The following TBC1D5 variants were observed in gnomAD, a reference collection of about 807,000 sequenced individuals.
The protein encoded by TBC1D5 is TBC1 domain family member 5.
In TBC1D5, 75 loss-of-function variants were observed where a neutral mutation model predicts 100.3. The ratio of observed to expected loss-of-function variants is 0.75; its 90% CI spans 0.62 to 0.91. The LOEUF is 0.91. Ranked by LOEUF, TBC1D5 falls within the 40% of genes least tolerant of loss-of-function variation. TBC1D5 has a pLI of 0.00. For missense variants in TBC1D5, 910 were observed against 942.4 expected (o/e 0.97, Z 0.45); for synonymous variants, 323 against 325.6 (o/e 0.99, Z 0.09).
intron 5 of TBC1D5, among the ~76,000 whole-genome samples, chr3:17,405,373 A>C (rs374177951): frequency 6.6e-6 from 1 of 152,084 alleles, no homozygotes; most frequent in Non-Finnish European, 1.5e-5. Context: ...CAAGCTGGTA[A>C]AAGTTAGTGA....
intron 14 of TBC1D5, among the ~76,000 whole-genome samples, chr3:17,305,989 A>T (rs558647129): frequency 2.0e-5 from 3 of 152,032 alleles, no homozygotes; most frequent in African/African-American, 7.2e-5. Context: ...TGTCATCATG[A>T]CCCTCCTGTT....
chr3:17,304,241 G>A (rs2083167199), intron 14 of TBC1D5, among the ~76,000 whole-genome samples: 1 of 152,012 alleles, frequency 6.6e-6, no homozygotes, highest in African/African-American at 2.4e-5. Flanking sequence ...TTTTTCTGGA[G>A]GTTTACTATG....
chr3:17,738,989 C>T (rs2077182010), intron 1 of TBC1D5, among the ~76,000 whole-genome samples: 1 of 152,182 alleles, frequency 6.6e-6, no homozygotes, highest in Admixed American at 6.5e-5. Context: ...TTTGTTGTTA[C>T]ACTGACATCC....
intron 9 of TBC1D5, among the ~76,000 whole-genome samples, chr3:17,377,435 C>T (rs2092753475): frequency 2.0e-5 from 3 of 152,076 alleles, no homozygotes; most frequent in South Asian, 2.1e-4. Flanking sequence ...GATTTCTTTC[C>T]CCCTTAAGCA....
At chr3:17,654,301 CCTT>C (rs1327700336) in intron 1 of TBC1D5, among the ~76,000 whole-genome samples, 7 of 151,968 alleles carry the variant, frequency 4.6e-5, no homozygotes, top group East Asian at 3.8e-4. Flanking sequence ...AAATCTGTAA[CCTT>C]CTTCTTAGAC....
intron 19 of TBC1D5, 120 bp downstream of exon 20, chr3:17,184,989 G>T (rs756268680): frequency 1.4e-6 from 1 of 734,552 alleles, no homozygotes; most frequent in Non-Finnish European, 2.2e-6. Flanking sequence ...TATAGCTGTT[G>T]TAAGGATTAA....
intron 15 of TBC1D5, among the ~76,000 whole-genome samples, chr3:17,280,010 G>A (rs1469903534): frequency 6.6e-6 from 1 of 152,190 alleles, no homozygotes; most frequent in African/African-American, 2.4e-5. Flanking sequence ...TGAGGGCTTA[G>A]TTGGAGGTAA....
chr3:17,246,950 A>G (rs535857884), intron 16 of TBC1D5, among the ~76,000 whole-genome samples: 1 of 152,282 alleles, frequency 6.6e-6, no homozygotes, highest in East Asian at 1.9e-4. Context: ...GCGTCTTTAT[A>G]TATCTGGGCC....
At chr3:17,396,992 T>C (rs1322833865) in intron 8 of TBC1D5, among the ~76,000 whole-genome samples, 1 of 152,178 alleles carries the variant, frequency 6.6e-6, no homozygotes, top group African/African-American at 2.4e-5. Flanking sequence ...CTGTAAGAGT[T>C]GTCCAGTACA....
intron 14 of TBC1D5, among the ~76,000 whole-genome samples, chr3:17,293,012 T>A (rs2081917584): frequency 6.6e-6 from 1 of 152,178 alleles, no homozygotes; most frequent in Admixed American, 6.5e-5. Flanking sequence ...TTCCTACTTC[T>A]CCCCCTCCTA....
intron 2 of TBC1D5, among the ~76,000 whole-genome samples, chr3:17,595,128 A>G (rs775118249): frequency 2.6e-5 from 4 of 152,142 alleles, no homozygotes; most frequent in African/African-American, 7.2e-5. Context: ...TCGGACTCCA[A>G]GTTCTTGGTT....
chr3:17,555,674 T>C (rs894703176), intron 2 of TBC1D5, among the ~76,000 whole-genome samples: 1 of 152,166 alleles, frequency 6.6e-6, no homozygotes, highest in African/African-American at 2.4e-5. Flanking sequence ...CAAAACATGT[T>C]AAATATGGGG....
intron 1 of TBC1D5, among the ~76,000 whole-genome samples, chr3:17,627,661 T>G (rs568126675): frequency 4.8e-5 from 7 of 145,506 alleles, no homozygotes; most frequent in African/African-American, 1.5e-4. Context: ...ATATTCTGGG[T>G]TTTTTTTTTT....
At chr3:17,210,426 G>A (rs1188610858) in intron 18 of TBC1D5, among the ~76,000 whole-genome samples, 1 of 152,098 alleles carries the variant, frequency 6.6e-6, no homozygotes, top group Non-Finnish European at 1.5e-5. Flanking sequence ...GACCTCAGGT[G>A]ATCCACCTGC....
At chr3:17,308,117 A>G (rs774101944) in exon 14 of TBC1D5, 1 of 1,595,428 alleles carries the variant, frequency 6.3e-7, no homozygotes, top group Non-Finnish European at 8.5e-7. Context: ...TCGTCCAAAT[A>G]GCAGCCGCAC....
intron 2 of TBC1D5, among the ~76,000 whole-genome samples, chr3:17,529,006 C>T (rs528517227): frequency 6.6e-6 from 1 of 152,190 alleles, no homozygotes; most frequent in Admixed American, 6.5e-5. Flanking sequence ...AGTCTTGAAG[C>T]CTCTGGACAA....
chr3:17,725,737 G>T (rs2076068542), intron 1 of TBC1D5, among the ~76,000 whole-genome samples: 1 of 152,020 alleles, frequency 6.6e-6, no homozygotes, highest in African/African-American at 2.4e-5. Context: ...TAGGTTCAGG[G>T]GTACATGTGC....
chr3:17,634,756 T>TA (rs1394330570), intron 1 of TBC1D5, among the ~76,000 whole-genome samples: 1 of 152,066 alleles, frequency 6.6e-6, no homozygotes, highest in Admixed American at 6.5e-5. Flanking sequence ...ACACAAATGA[T>TA]AAATATCTGA....
chr3:17,468,787 A>C (rs1256186450), intron 3 of TBC1D5, among the ~76,000 whole-genome samples: 3 of 152,178 alleles, frequency 2.0e-5, no homozygotes, highest in Non-Finnish European at 4.4e-5. Flanking sequence ...CATAATATTA[A>C]ACTAATGATG....
Sources: gnomAD v4.1 joint callset for allele counts (sites outside exome capture counted in the v4.1 genomes callset) on GRCh38, gnomAD v4.1.1 for gene constraint, MANE v1.5 for transcripts, NCBI Gene and HGNC (gene_info 2026-07-23, HGNC 2026-07-21) for gene names.